RAB6A: variants seen among roughly 807,000 people sequenced by gnomAD.
The protein encoded by RAB6A is RAB6A, member RAS oncogene family, also known as ras-related protein Rab-6A.
A neutral mutation model predicts 32.3 loss-of-function variants in RAB6A; 8 were observed. The observed-to-expected ratio is 0.25, with a 90% confidence interval of 0.15 to 0.45. The LOEUF (loss-of-function observed/expected upper bound fraction) is 0.45. RAB6A is among the 20% of genes least tolerant of loss of function. The pLI is 1.00. For synonymous variants in RAB6A, 73 were observed against 82.1 expected (o/e 0.89, Z 0.60); for missense variants, 104 against 249.4 (o/e 0.42, Z 3.93).
chr11:73,730,067 A>C (rs1322460784), intron 2 of RAB6A: 1 of 152,278 alleles, frequency 6.6e-6, no homozygotes, highest in Non-Finnish European at 1.5e-5. Context: ...ATAACAAACT[A>C]TCTTTTCAAT....
intron 7 of RAB6A, among the ~76,000 whole-genome samples, chr11:73,678,553 G>C (rs1432229936): frequency 6.6e-6 from 1 of 150,408 alleles, no homozygotes; most frequent in Non-Finnish European, 1.5e-5. Context: ...GGAGGCAGAG[G>C]TTGTGGTGAG....
intron 1 of RAB6A, among the ~76,000 whole-genome samples, chr11:73,731,941 A>T (rs542395903): frequency 6.6e-6 from 1 of 150,964 alleles, no homozygotes; most frequent in African/African-American, 2.4e-5. Flanking sequence ...ATGGGGTTTC[A>T]TCATGGCCAG....
intron 2 of RAB6A, among the ~76,000 whole-genome samples, chr11:73,725,118 G>C (rs1476120538): frequency 6.6e-6 from 1 of 152,216 alleles, no homozygotes; most frequent in Non-Finnish European, 1.5e-5. Context: ...CATGTACTTA[G>C]ATGATGTGGT....
chr11:73,701,856 G>T (rs1945751017), intron 6 of RAB6A, among the ~76,000 whole-genome samples: 1 of 152,090 alleles, frequency 6.6e-6, no homozygotes, highest in Non-Finnish European at 1.5e-5. Flanking sequence ...GCCCAAGCAG[G>T]TCTCAATTGC....
At chr11:73,760,454 A>G in intron 1 of RAB6A, 112 bp downstream of exon 1, 1 of 1,386,766 alleles carries the variant, frequency 7.2e-7, no homozygotes, top group Non-Finnish European at 9.7e-7. Flanking sequence ...TGCGGTGGCA[A>G]CGAGCGCGGA....
chr11:73,693,300 A>AAATC (rs955872429), intron 6 of RAB6A, among the ~76,000 whole-genome samples: 11 of 151,362 alleles, frequency 7.3e-5, no homozygotes, highest in Non-Finnish European at 7.4e-5. Flanking sequence ...AAAAATAAAT[A>AAATC]AATAAATAAA....
In RAB6A at chr11:73,720,829, C is replaced by A; in HGVS notation, c.183+17G>T. On this transcript the variant is annotated intron_variant, in intron 3 of 7. Coordinates refer to ENST00000336083, the MANE Select transcript of RAB6A (RefSeq NM_198896.2). Reference sequence around the variant, plus strand: ...CTGGAATGTTGCAGAAAATTGCACACTGAAAATATTACTCACTGTTCGATC... The same window carrying A: ...CTGGAATGTTGCAGAAAATTGCACAATGAAAATATTACTCACTGTTCGATC... The A allele has an allele frequency of 6.3e-7, 1 of 1,588,912 alleles. No individual in the cohort carries two copies.
intron 1 of RAB6A, among the ~76,000 whole-genome samples, chr11:73,744,292 C>T (rs182361248): frequency 5.9e-4 from 87 of 147,452 alleles, no homozygotes; most frequent in African/African-American, 1.9e-3. Flanking sequence ...GAGCCGAGAT[C>T]GCACCAATGC....
intron 6 of RAB6A, among the ~76,000 whole-genome samples, chr11:73,694,891 G>A (rs1047508143): frequency 1.1e-4 from 17 of 152,112 alleles, no homozygotes; most frequent in South Asian, 8.3e-4. Context: ...TGGCACACGC[G>A]TGCAATCCCA....
chr11:73,748,237 C>G (rs1351955671), intron 1 of RAB6A, among the ~76,000 whole-genome samples: 1 of 152,090 alleles, frequency 6.6e-6, no homozygotes, highest in Non-Finnish European at 1.5e-5. Flanking sequence ...TTTTAATTCT[C>G]TAATATAGAG....
chr11:73,749,892 G>A (rs1946648419), intron 1 of RAB6A, among the ~76,000 whole-genome samples: 1 of 152,116 alleles, frequency 6.6e-6, no homozygotes, highest in African/African-American at 2.4e-5. Context: ...AGGGTATGGT[G>A]TCATATGCCT....
chr11:73,705,863 C>T (rs568596335), intron 6 of RAB6A, among the ~76,000 whole-genome samples: 2 of 151,370 alleles, frequency 1.3e-5, no homozygotes, highest in South Asian at 4.2e-4. Context: ...TCGGTGAAAA[C>T]ACATAAGAGA....
chr11:73,736,251 A>G (rs1001928775), intron 1 of RAB6A, among the ~76,000 whole-genome samples: 17 of 151,934 alleles, frequency 1.1e-4, no homozygotes, highest in African/African-American at 3.9e-4. Flanking sequence ...CAACATGGTG[A>G]AACCCCATCT....
chr11:73,744,398 C>T (rs551338615), intron 1 of RAB6A, among the ~76,000 whole-genome samples: 2 of 150,294 alleles, frequency 1.3e-5, no homozygotes, highest in South Asian at 4.2e-4. Context: ...GTGGTCCCAG[C>T]TACTCAGGAG....
At chr11:73,715,150 G>A (rs147773849) in intron 5 of RAB6A, among the ~76,000 whole-genome samples, 3,480 of 151,148 alleles carry the variant, frequency 0.023, 140 homozygotes, top group African/African-American at 0.08. Context: ...TTTTTGAGAC[G>A]GAGTCTCACT....
Position 73,760,673 on chromosome 11 carries a change from G to A in RAB6A, c.-38C>T, listed in dbSNP as rs372069402. On this transcript the variant is annotated 5_prime_UTR_variant, in exon 1 of 8. Transcript: ENST00000336083. ...GGAGCGGCCGCCGCCTCAGCCTAGA[G>A]ACCTCCCGGACCGATGCTGCTCCAG... The A allele has an allele frequency of 1.6e-5, 25 of 1,587,672 alleles. No individual in the cohort carries two copies. The African/African-American group carries it at 2.3e-4, about 15-fold the overall frequency.
intron 1 of RAB6A, among the ~76,000 whole-genome samples, chr11:73,755,873 A>C (rs1259247012): frequency 2.3e-5 from 1 of 43,752 alleles, no homozygotes; most frequent in Non-Finnish European, 7.9e-5. Context: ...GAAGAAGAAC[A>C]AGAGGAGGAG....
intron 6 of RAB6A, among the ~76,000 whole-genome samples, chr11:73,698,324 A>T (rs889593680): frequency 1.2e-4 from 19 of 152,226 alleles, no homozygotes; most frequent in African/African-American, 3.9e-4. Flanking sequence ...GCAGAATATA[A>T]GGCTTAAGAT....
At chr11:73,753,353 T>A (rs1309157100) in intron 1 of RAB6A, among the ~76,000 whole-genome samples, 2 of 151,992 alleles carry the variant, frequency 1.3e-5, no homozygotes, top group African/African-American at 4.8e-5. Flanking sequence ...CACGCCATCA[T>A]GCCCAGCTAA....
Sources: allele counts gnomAD v4.1 joint callset (sites outside exome capture counted in the v4.1 genomes callset), GRCh38; gene constraint gnomAD v4.1.1; transcripts MANE v1.5; gene names NCBI Gene and HGNC (gene_info 2026-07-23, HGNC 2026-07-21).